GRM7: variants seen among roughly 807,000 people sequenced by gnomAD.
GRM7 encodes metabotropic glutamate receptor 7.
Under a neutral mutation model 84.5 loss-of-function variants are expected in GRM7, and 35 were observed. The ratio of observed to expected loss-of-function variants is 0.41; its 90% CI spans 0.32 to 0.55. The LOEUF (loss-of-function observed/expected upper bound fraction) is 0.55. Ranked by LOEUF, GRM7 falls within the 20% of genes least tolerant of loss-of-function variation. The probability of loss-of-function intolerance (pLI) is 0.19; values close to 1 mark genes in which losing one functional copy is unlikely to be tolerated. For synonymous variants in GRM7, 487 were observed against 455.1 expected (o/e 1.07, Z -0.89); for missense variants, 1,003 against 1,194.6 (o/e 0.84, Z 2.36).
At position 7,694,716 on chromosome 3, in the gene GRM7, T is replaced by C. The variant is rs142355520; in HGVS notation, c.2698+14421T>C. 3.6e-3 allele frequency among the ~76,000 whole-genome samples: 543 copies of C among 152,330 alleles called. 1 individual carries two copies. Among genetic ancestry groups the C allele is most frequent in the Middle Eastern group, 0.014 (4 of 294 alleles). The stretch of plus-strand genomic sequence containing the variant: ...CTAGGCATAAATACATTCAACATTT[T>C]CACCATCATGGTTTAAAAATTAGTA... On this transcript the variant is annotated intron_variant, in intron 9 of 9. Transcript: ENST00000357716.
chr3:7,138,427 T>C (rs1442334169), intron 1 of GRM7, among the ~76,000 whole-genome samples: 1 of 151,990 alleles, frequency 6.6e-6, no homozygotes, highest in Non-Finnish European at 1.5e-5. Flanking sequence ...TACTAATAGT[T>C]ACATATTCCT....
At chr3:7,088,525 A>T (rs7645765) in intron 1 of GRM7, among the ~76,000 whole-genome samples, 80,068 of 144,154 alleles carry the variant, frequency 0.56, 24,354 homozygotes, top group African/African-American at 0.82. Context: ...AGTGCCAGGG[A>T]TGAGAGATAG....
chr3:7,511,566 A>G (rs1700212401), intron 7 of GRM7, among the ~76,000 whole-genome samples: 1 of 151,644 alleles, frequency 6.6e-6, no homozygotes, highest in South Asian at 2.1e-4. Flanking sequence ...GTTTTGCCCA[A>G]GATGGTCATA....
intron 7 of GRM7, among the ~76,000 whole-genome samples, chr3:7,462,618 G>T (rs1178745464): frequency 6.6e-6 from 1 of 152,200 alleles, no homozygotes; most frequent in African/African-American, 2.4e-5. Flanking sequence ...GGTGTGGGAA[G>T]CAAATCCATT....
At chr3:7,431,796 G>A (rs967778373) in intron 5 of GRM7, among the ~76,000 whole-genome samples, 2 of 152,198 alleles carry the variant, frequency 1.3e-5, no homozygotes, top group Non-Finnish European at 1.5e-5. Context: ...ATGAATATTG[G>A]ACAACCTGAA....
intron 2 of GRM7, among the ~76,000 whole-genome samples, chr3:7,214,823 C>G (rs1476160550): frequency 6.6e-6 from 1 of 152,112 alleles, no homozygotes; most frequent in African/African-American, 2.4e-5. Context: ...GCCTCATTAT[C>G]TGAGCATGGT....
chr3:7,658,332 G>C (rs995260252), intron 8 of GRM7, among the ~76,000 whole-genome samples: 1 of 152,208 alleles, frequency 6.6e-6, no homozygotes, highest in Admixed American at 6.5e-5. Flanking sequence ...AAGTCAGAGA[G>C]GGAAAATAGA....
chr3:7,680,701 G>A (rs778254288), intron 9 of GRM7: 55 of 179,888 alleles, frequency 3.1e-4, no homozygotes, highest in Non-Finnish European at 4.8e-4. Flanking sequence ...TTTTGGAAGC[G>A]AAACTTTTTT....
chr3:6,968,398 T>A (rs1693613414), intron 1 of GRM7, among the ~76,000 whole-genome samples: 1 of 152,208 alleles, frequency 6.6e-6, no homozygotes, highest in Non-Finnish European at 1.5e-5. Context: ...AAAGGTCGTA[T>A]TCTGAGATAT....
At chr3:7,511,646 C>A (rs1487504305) in intron 7 of GRM7, among the ~76,000 whole-genome samples, 2 of 152,170 alleles carry the variant, frequency 1.3e-5, no homozygotes, top group Non-Finnish European at 2.9e-5. Flanking sequence ...TTTAAGGATT[C>A]ATTTTGATTT....
At chr3:6,953,289 A>G (rs559730518) in intron 1 of GRM7, among the ~76,000 whole-genome samples, 42 of 152,290 alleles carry the variant, frequency 2.8e-4, no homozygotes, top group African/African-American at 9.6e-4. Flanking sequence ...TCCATCACCT[A>G]AACCCAGATA....
chr3:7,455,429 G>T (rs544754836), intron 6 of GRM7, among the ~76,000 whole-genome samples: 1 of 152,084 alleles, frequency 6.6e-6, no homozygotes, highest in Non-Finnish European at 1.5e-5. Flanking sequence ...GGAGAAAACT[G>T]GGAGATAGCA....
At chr3:7,515,945 C>T (rs775483550) in intron 7 of GRM7, among the ~76,000 whole-genome samples, 5 of 151,286 alleles carry the variant, frequency 3.3e-5, no homozygotes, top group East Asian at 2.0e-4. Context: ...TTGTTCAAGA[C>T]GAGCCTGGGA....
intron 8 of GRM7, among the ~76,000 whole-genome samples, chr3:7,619,532 G>A (rs114118120): frequency 7.3e-4 from 111 of 152,102 alleles, no homozygotes; most frequent in African/African-American, 1.9e-3. Flanking sequence ...TTGATTTTTC[G>A]AACAAAATGC....
At chr3:7,306,014 A>G (rs1700182956) in intron 3 of GRM7, among the ~76,000 whole-genome samples, 1 of 152,196 alleles carries the variant, frequency 6.6e-6, no homozygotes, top group African/African-American at 2.4e-5. Flanking sequence ...CATGTTTCAC[A>G]TGGAGTTCTG....
intron 4 of GRM7, among the ~76,000 whole-genome samples, chr3:7,334,737 G>A (rs1229489627): frequency 1.3e-5 from 2 of 152,064 alleles, no homozygotes; most frequent in African/African-American, 4.8e-5. Context: ...GATATTCCAT[G>A]CAAATGGAAA....
intron 8 of GRM7, among the ~76,000 whole-genome samples, chr3:7,620,437 T>A (rs1476056322): frequency 1.3e-5 from 2 of 152,158 alleles, no homozygotes; most frequent in Non-Finnish European, 2.9e-5. Context: ...ATTAAGTGAA[T>A]GTCTTGGTGA....
At chr3:7,581,320 T>C (rs1447977717) in intron 8 of GRM7, among the ~76,000 whole-genome samples, 1 of 152,176 alleles carries the variant, frequency 6.6e-6, no homozygotes, top group East Asian at 1.9e-4. Context: ...ATTTAAGCTT[T>C]CAAGCAGTGT....
chr3:7,507,373 A>G (rs1300024961), intron 7 of GRM7, among the ~76,000 whole-genome samples: 1 of 152,226 alleles, frequency 6.6e-6, no homozygotes, highest in African/African-American at 2.4e-5. Flanking sequence ...TTCCACATAG[A>G]GAAGTGTAAA....
Sources: allele counts gnomAD v4.1 joint callset (sites outside exome capture counted in the v4.1 genomes callset), GRCh38; gene constraint gnomAD v4.1.1; transcripts MANE v1.5; gene names NCBI Gene and HGNC (gene_info 2026-07-23, HGNC 2026-07-21).